RBMXL1: variants seen among roughly 807,000 people sequenced by gnomAD.
RBMXL1 encodes the protein RBMX like 1.
A neutral mutation model predicts 29.0 loss-of-function variants in RBMXL1; 18 were observed. The ratio of observed to expected loss-of-function variants is 0.62; its 90% confidence interval spans 0.43 to 0.92. The LOEUF (loss-of-function observed/expected upper bound fraction) is 0.92, where lower values mean the gene tolerates loss of function less well. Among genes scored for constraint, RBMXL1 ranks in the 40% least tolerant of loss-of-function variants. RBMXL1 has a pLI of 0.00. For synonymous variants in RBMXL1, 141 were observed against 170.4 expected (o/e 0.83, Z 1.34); for missense variants, 403 against 495.8 (o/e 0.81, Z 1.78).
At chr1:88,989,302 G>A (rs1570857922) in intron 1 of RBMXL1, among the ~76,000 whole-genome samples, 1 of 152,042 alleles carries the variant, frequency 6.6e-6, no homozygotes, top group East Asian at 1.9e-4. Flanking sequence ...ATGACCAAGG[G>A]GGGTTGGGTT....
In RBMXL1 at chr1:88,984,204, C is replaced by CTTTTTTTTTTTT. The variant is rs908183722; in HGVS notation, c.-240-150_-240-139dup. ...ATTAACAGGAGCCCTTTTTTTGTTG[C>CTTTTTTTTTTTT]TTTTTTTTTTTTTTTTTTTTTTTTT... is the stretch of plus-strand genomic sequence containing the variant. On this transcript the variant is annotated intron_variant, in intron 2 of 2. Transcript: ENST00000652648. 1.3e-3 allele frequency: 106 copies of CTTTTTTTTTTTT among 81,478 alleles called. 5 individuals carry two copies. Among genetic ancestry groups the CTTTTTTTTTTTT allele is most frequent in the Non-Finnish European group, 2.2e-3 (83 of 38,172 alleles). 5.0% of individuals were successfully genotyped at this position (81,478 alleles called of 1,614,324 possible).
At chr1:88,990,612 C>T (rs1246929856) in intron 1 of RBMXL1, among the ~76,000 whole-genome samples, 1 of 152,156 alleles carries the variant, frequency 6.6e-6, no homozygotes, top group Non-Finnish European at 1.5e-5. Context: ...TCCCACAATC[C>T]GCCATTGAAT....
intron 2 of RBMXL1, among the ~76,000 whole-genome samples, chr1:88,985,208 C>T (rs995513949): frequency 2.0e-5 from 3 of 152,158 alleles, no homozygotes; most frequent in Non-Finnish European, 4.4e-5. Flanking sequence ...CAAGCCAAGA[C>T]CTTGGAAGAG....
chr1:88,986,486 T>G (rs1015741577), intron 2 of RBMXL1, among the ~76,000 whole-genome samples: 7 of 151,706 alleles, frequency 4.6e-5, no homozygotes, highest in African/African-American at 1.5e-4. Context: ...GAGATGAGGT[T>G]TTGCCATGTT....
rs1009612605 is a variant in RBMXL1, at chr1:88,980,225, GAC to G, written c.*2427_*2428del. The G allele has an allele frequency of 3.3e-5, 5 of 152,552 alleles. No homozygotes were observed. Among genetic ancestry groups the G allele is most frequent in the African/African-American group, 1.2e-4 (5 of 41,458 alleles). The allele number at this position is 152,552 out of a possible 1,614,324, so 9.4% of individuals were successfully genotyped here. A position where few individuals can be genotyped will look rare whatever the true frequency, so the allele number is the denominator to read the frequency against. On this transcript the variant is annotated 3_prime_UTR_variant, in exon 3 of 3. Coordinates refer to ENST00000652648, the MANE Select transcript of RBMXL1 (RefSeq NM_001162536.3). ...TGGAAGTGTTCTGCATGTTGATGGTGACAGTGGCTTCATGGCATATACATCTG... is the reference window on the plus strand; with the variant it reads ...TGGAAGTGTTCTGCATGTTGATGGTGAGTGGCTTCATGGCATATACATCTG...
intron 1 of RBMXL1, among the ~76,000 whole-genome samples, chr1:88,990,471 A>G (rs1276829988): frequency 6.6e-6 from 1 of 152,154 alleles, no homozygotes; most frequent in African/African-American, 2.4e-5. Context: ...TCCAGTGGAC[A>G]TTTTGCAATT....
chr1:88,981,079 A>G lies in RBMXL1; in HGVS notation c.*1575T>C, dbSNP rs1677063745. ...ATTGGCTCTAGTCTCCAAAGCAATA[A>G]ACTAAAACTTGTTTCCAAGACGGGG... On this transcript the variant is annotated 3_prime_UTR_variant, in exon 3 of 3. Transcript: ENST00000652648. 1 of 152,338 alleles carries G rather than the reference A, an allele frequency of 6.6e-6. No homozygotes were observed. The highest frequency in any genetic ancestry group is 3.4e-3 in the Middle Eastern group (1 of 294). The allele number at this position is 152,338 out of a possible 1,614,324, so 9.4% of individuals were successfully genotyped here.
chr1:88,989,310 G>A (rs1053521245), intron 1 of RBMXL1, among the ~76,000 whole-genome samples: 9 of 152,108 alleles, frequency 5.9e-5, no homozygotes, highest in Admixed American at 3.3e-4. Flanking sequence ...GGGGGGTTGG[G>A]TTTATATAAG....
intron 1 of RBMXL1, among the ~76,000 whole-genome samples, chr1:88,990,355 C>T (rs772166870): frequency 5.9e-5 from 9 of 152,278 alleles, no homozygotes; most frequent in African/African-American, 4.8e-5. Flanking sequence ...TAGCTCTCTC[C>T]TTTTCCTCAA....
Position 88,983,799 on chromosome 1 carries a change from G to A in RBMXL1, c.28C>T (p.Leu10Phe). 1 of 1,613,986 alleles carries A rather than the reference G, an allele frequency of 6.2e-7. No individual in the cohort carries two copies. The highest frequency in any genetic ancestry group is 1.7e-4 in the Middle Eastern group (1 of 6,056). MVEADRPGK[L>F]FIGGLNTETN... Reference sequence around the variant, plus strand: ...TCCGTATTAAGCCCACCAATGAAGAGCTTTCCTGGGCGATCTGCTTCAACC... The same window carrying A: ...TCCGTATTAAGCCCACCAATGAAGAACTTTCCTGGGCGATCTGCTTCAACC... Residue 10 changes from leucine (L) to phenylalanine (F), a missense_variant, in exon 3 of 3, where the codon CTC becomes TTC. By Grantham distance (22) the Leu-to-Phe change is conservative. Transcript: ENST00000652648.
intron 1 of RBMXL1, among the ~76,000 whole-genome samples, chr1:88,988,957 C>A (rs1435172365): frequency 6.6e-6 from 1 of 152,190 alleles, no homozygotes; most frequent in East Asian, 1.9e-4. Flanking sequence ...TTCTGAATTG[C>A]TTCTCTACCT....
chr1:88,980,616 C>T lies in RBMXL1; in HGVS notation c.*2038G>A, dbSNP rs555524059. ...ATCAAGATCTGATTCTTTTTCCACA[C>T]GTCTGCTAGTTCAGTAAACTATTTA... On this transcript the variant is annotated 3_prime_UTR_variant, in exon 3 of 3. Transcript: ENST00000652648. The T allele has an allele frequency of 3.9e-4, 59 of 152,628 alleles. 1 individual carries two copies. The highest frequency in any genetic ancestry group is 1.3e-4 in the Non-Finnish European group (9 of 68,002). The allele number at this position is 152,628 out of a possible 1,614,324, so 9.5% of individuals were successfully genotyped here.
intron 2 of RBMXL1, among the ~76,000 whole-genome samples, chr1:88,985,035 T>C (rs1677367929): frequency 6.6e-6 from 1 of 152,242 alleles, no homozygotes; most frequent in South Asian, 2.1e-4. Context: ...TTCTGAAAAT[T>C]ATATTTTAAC....
chr1:88,987,525 T>G (rs905994618), intron 2 of RBMXL1, among the ~76,000 whole-genome samples: 1 of 152,166 alleles, frequency 6.6e-6, no homozygotes, highest in African/African-American at 2.4e-5. Flanking sequence ...ACAAAAATGG[T>G]ACTTCATATG....
chr1:88,983,338 C>T lies in RBMXL1; in HGVS notation c.489G>A (p.Lys163=). ...PPPRSGGPSP[K]RSAPSGLVRS... The stretch of plus-strand genomic sequence containing the variant: ...GAACTAGTCCTGAAGGTGCAGATCT[C>T]TTAGGAGAAGGACCCCCACTTCTTG... The change falls in exon 3 of 3, where the codon AAG becomes AAA. Residue 163 remains lysine, a synonymous_variant. Transcript: ENST00000652648. 2 of 1,614,132 alleles carry T rather than the reference C, an allele frequency of 1.2e-6. No homozygotes were observed. The highest frequency in any genetic ancestry group is 1.7e-6 in the Non-Finnish European group (2 of 1,180,022).
chr1:88,983,323 T>A lies in RBMXL1; in HGVS notation c.504A>T (p.Ser168=). 1 of 1,614,128 alleles carries A rather than the reference T, an allele frequency of 6.2e-7. No individual in the cohort carries two copies. Among genetic ancestry groups the A allele is most frequent in the South Asian group, 1.1e-5 (1 of 91,088 alleles). The stretch of plus-strand genomic sequence containing the variant: ...TTCCACTGCTGCTGCGAACTAGTCC[T>A]GAAGGTGCAGATCTCTTAGGAGAAG... ...GGPSPKRSAP[S]GLVRSSSGMG... is the part of the protein sequence containing the mutation. The change falls in exon 3 of 3, where the codon TCA becomes TCT. Residue 168 remains serine, a synonymous_variant. Coordinates refer to ENST00000652648, the MANE Select transcript of RBMXL1 (RefSeq NM_001162536.3).
intron 2 of RBMXL1, among the ~76,000 whole-genome samples, chr1:88,986,241 G>C (rs1008631777): frequency 6.6e-6 from 1 of 151,294 alleles, no homozygotes; most frequent in Non-Finnish European, 1.5e-5. Context: ...AGGAAGGACA[G>C]ACCTAAGGAA....
intron 1 of RBMXL1, among the ~76,000 whole-genome samples, chr1:88,991,530 A>G (rs1677792915): frequency 6.6e-6 from 1 of 152,242 alleles, no homozygotes; most frequent in African/African-American, 2.4e-5. Context: ...CCGATACAAC[A>G]GAGGGTATCT....
chr1:88,988,966 C>CTGT (rs548728442), intron 1 of RBMXL1, among the ~76,000 whole-genome samples: 151 of 152,260 alleles, frequency 9.9e-4, no homozygotes, highest in African/African-American at 3.6e-3. Flanking sequence ...GCTTCTCTAC[C>CTGT]TGTAAGTATA....
Sources: gnomAD v4.1 joint callset for allele counts (sites outside exome capture counted in the v4.1 genomes callset) on GRCh38, gnomAD v4.1.1 for gene constraint, MANE v1.5 for transcripts, NCBI Gene and HGNC (gene_info 2026-07-23, HGNC 2026-07-21) for gene names.